Variants in ENPP2 observed in about 807,000 individuals in gnomAD.
The protein encoded by ENPP2 is autotaxin.
ENPP2 carries 51 observed loss-of-function variants against 120.2 expected under a neutral mutation model. The ratio of observed to expected loss-of-function variants is 0.42; its 90% confidence interval spans 0.34 to 0.54. The LOEUF (loss-of-function observed/expected upper bound fraction) is 0.54. Ranked by LOEUF, ENPP2 falls within the 20% of genes least tolerant of loss-of-function variation. ENPP2 has a pLI of 0.04. For missense variants in ENPP2, 920 were observed against 1,066.5 expected, an observed-to-expected ratio of 0.86 and a Z score of 1.91; for synonymous variants, 365 against 366.4, an observed-to-expected ratio of 1.00 and a Z score of 0.04.
intron 13 of ENPP2, among the ~76,000 whole-genome samples, chr8:119,588,528 CA>C (rs58771451): frequency 0.23 from 15,552 of 68,756 alleles, 1,354 homozygotes; most frequent in African/African-American, 0.43. Context: ...AACTCCGCCT[CA>C]AAAAAAAAAA....
chr8:119,620,652 G>A (rs868080058), intron 4 of ENPP2, among the ~76,000 whole-genome samples: 54 of 152,222 alleles, frequency 3.5e-4, no homozygotes, highest in East Asian at 1.2e-3. Context: ...TGGGTTGCAC[G>A]GCAACTTAAA....
chr8:119,614,119 T>C (rs1186198717), intron 8 of ENPP2, among the ~76,000 whole-genome samples: 1 of 141,818 alleles, frequency 7.1e-6, no homozygotes, highest in East Asian at 2.0e-4. Flanking sequence ...CGGGCTGGAG[T>C]GCAATGGTGT....
chr8:119,590,412 T>C (rs1813414434), intron 13 of ENPP2, 93 bp downstream of exon 13: 3 of 1,055,188 alleles, frequency 2.8e-6, no homozygotes, highest in African/African-American at 3.3e-5. Context: ...GAGCCAGAAT[T>C]TTTACCCAAG....
At chr8:119,605,660 G>C (rs1047063137) in intron 9 of ENPP2, among the ~76,000 whole-genome samples, 6 of 150,290 alleles carry the variant, frequency 4.0e-5, no homozygotes, top group African/African-American at 1.5e-4. Context: ...GAGAGACGAG[G>C]GTTCTCCATG....
chr8:119,656,310 A>C (rs1465358933), intron 1 of ENPP2, among the ~76,000 whole-genome samples: 1 of 152,138 alleles, frequency 6.6e-6, no homozygotes, highest in African/African-American at 2.4e-5. Context: ...TGTTTCTCCC[A>C]ACTACAACAC....
At position 119,569,280 on chromosome 8, in the gene ENPP2, A is replaced by T; in HGVS notation, c.2008T>A (p.Tyr670Asn). The change falls in exon 21 of 25, where the codon TAC (tyrosine) becomes AAC (asparagine). Residue 670 changes from tyrosine to asparagine, a missense_variant. Tyr to Asn is a moderately radical substitution (Grantham distance 143). Coordinates refer to ENST00000075322, the MANE Select transcript of ENPP2 (RefSeq NM_001040092.3). ...TAGGACATCTGCTTATCATTTTTGT[A>T]GGCCAAACAGTTCTGACTGAAACTC... is the stretch of plus-strand genomic sequence containing the variant. The part of the protein sequence containing the change: ...SPSFSQNCLA[Y>N]KNDKQMSYGF... 6.2e-7 allele frequency: 1 copy of T among 1,614,072 alleles called. No individual in the cohort carries two copies. The highest frequency in any genetic ancestry group is 1.1e-5 in the South Asian group (1 of 91,082).
intron 22 of ENPP2, among the ~76,000 whole-genome samples, chr8:119,565,241 A>C (rs924553342): frequency 3.9e-5 from 6 of 152,160 alleles, no homozygotes; most frequent in Non-Finnish European, 8.8e-5. Context: ...AGCATGGATA[A>C]GTAGGTGGTG....
intron 1 of ENPP2, among the ~76,000 whole-genome samples, chr8:119,646,063 G>A (rs1563770034): frequency 6.6e-6 from 1 of 151,596 alleles, no homozygotes. Flanking sequence ...CCGCCTCCTG[G>A]GTTCAAGCGA....
intron 1 of ENPP2, among the ~76,000 whole-genome samples, chr8:119,644,647 C>CACACACAT (rs1202298058): frequency 1.9e-5 from 2 of 105,286 alleles, no homozygotes; most frequent in African/African-American, 7.5e-5. Context: ...CACACACACA[C>CACACACAT]ATATAGATAT....
intron 9 of ENPP2, among the ~76,000 whole-genome samples, chr8:119,605,467 T>TGTGTGTGTGTGTG (rs1209460755): frequency 2.8e-5 from 4 of 142,346 alleles, no homozygotes; most frequent in East Asian, 2.5e-4. Flanking sequence ...TGTGTGTGTA[T>TGTGTGTGTGTGTG]TTTTTTTTTT....
intron 24 of ENPP2, among the ~76,000 whole-genome samples, chr8:119,561,765 TTC>T (rs1276097133): frequency 1.3e-5 from 2 of 151,946 alleles, no homozygotes; most frequent in Non-Finnish European, 2.9e-5. Context: ...AGGTATAGAT[TTC>T]TTTCTCGCTT....
Position 119,621,501 on chromosome 8 carries a change from G to A in ENPP2, c.311C>T (p.Thr104Ile). The A allele has an allele frequency of 6.2e-7, 1 of 1,613,388 alleles. No individual in the cohort carries two copies. Among genetic ancestry groups the A allele is most frequent in the Non-Finnish European group, 8.5e-7 (1 of 1,179,522 alleles). ...CLKTARGWEC[T>I]KDRCGEVRNE... ...TCTGACTTCTCCACATCTGTCCTTA[G>A]TACACTCCCAGCCACGGGCTAAAAT... Residue 104 changes from threonine (T) to isoleucine (I), a missense_variant, in exon 4 of 25, where the codon ACT becomes ATT. By Grantham distance (89) the Thr-to-Ile change is moderately conservative. Transcript: ENST00000075322.
At chr8:119,619,360 T>G in intron 4 of ENPP2, 56 bp from the exon 5 acceptor site, 1 of 1,150,440 alleles carries the variant, frequency 8.7e-7, no homozygotes, top group Non-Finnish European at 1.3e-6. Context: ...TGCCATGCCT[T>G]GAAGCTCACA....
intron 19 of ENPP2, among the ~76,000 whole-genome samples, chr8:119,577,302 GC>G (rs1206749188): frequency 6.6e-6 from 1 of 152,184 alleles, no homozygotes. Flanking sequence ...GGAAGTAATT[GC>G]CCTGAACATA....
chr8:119,583,660 G>T, intron 17 of ENPP2, 57 bp downstream of exon 17: 1 of 941,096 alleles, frequency 1.1e-6, no homozygotes, highest in Non-Finnish European at 1.7e-6. Flanking sequence ...CATTGAGAAA[G>T]ATCATATATA....
At chr8:119,607,222 A>G (rs1814779790) in intron 9 of ENPP2, among the ~76,000 whole-genome samples, 1 of 152,164 alleles carries the variant, frequency 6.6e-6, no homozygotes, top group Non-Finnish European at 1.5e-5. Flanking sequence ...TAAATATAAT[A>G]TGTTGTCATA....
rs369158844 is a variant in ENPP2, at chr8:119,621,390, G to T, written c.418+4C>A. ...AGCTCAGGCCAATCCAAAGAAACAC[G>T]TACCTTTGCAAACCACTTGGTAATT... On this transcript the variant is annotated splice_donor_region_variant and intron_variant, in intron 4 of 24. Transcript: ENST00000075322. 1 of 1,612,578 alleles carries T rather than the reference G, an allele frequency of 6.2e-7. No homozygotes were observed. Among genetic ancestry groups the T allele is most frequent in the African/African-American group, 1.3e-5 (1 of 74,964 alleles).
At chr8:119,602,113 TA>T (rs1814356016) in intron 9 of ENPP2, among the ~76,000 whole-genome samples, 1 of 152,158 alleles carries the variant, frequency 6.6e-6, no homozygotes, top group African/African-American at 2.4e-5. Context: ...CTCTATAAAA[TA>T]ATGGGTTAGG....
intron 19 of ENPP2, chr8:119,572,514 G>GT (rs1323580026): frequency 4.7e-6 from 2 of 429,078 alleles, no homozygotes; most frequent in East Asian, 7.5e-5. Flanking sequence ...AGCATTCAAC[G>GT]TAACACTCTA....
Sources: allele counts gnomAD v4.1 joint callset (sites outside exome capture counted in the v4.1 genomes callset), GRCh38; gene constraint gnomAD v4.1.1; transcripts MANE v1.5; gene names NCBI Gene and HGNC (gene_info 2026-07-23, HGNC 2026-07-21).